Variants in REXO1 observed in about 807,000 individuals in gnomAD.
REXO1 encodes the protein REX1, RNA exonuclease 1 homolog.
A neutral mutation model predicts 102.6 loss-of-function variants in REXO1; 42 were observed. That is an observed-to-expected ratio of 0.41 (90% CI 0.32 to 0.53). The LOEUF (loss-of-function observed/expected upper bound fraction) is 0.53, where lower values mean the gene tolerates loss of function less well. Among genes scored for constraint, REXO1 ranks in the 20% least tolerant of loss-of-function variants. The pLI, the probability that REXO1 is intolerant of heterozygous loss-of-function variation, is 0.27. For synonymous variants in REXO1, 908 were observed against 779.1 expected (o/e 1.17, Z -2.76); for missense variants, 1,819 against 1,732.5 (o/e 1.05, Z -0.89).
chr19:1,835,648 T>C (rs1004502775), intron 1 of REXO1, among the ~76,000 whole-genome samples: 10 of 152,158 alleles, frequency 6.6e-5, no homozygotes, highest in Non-Finnish European at 2.9e-5. Context: ...GGGAATTACT[T>C]TGGATAGGAG....
intron 3 of REXO1, chr19:1,824,531 A>G (rs1473172875): frequency 1.3e-5 from 2 of 152,248 alleles, no homozygotes; most frequent in Non-Finnish European, 2.9e-5. Flanking sequence ...ATAAACTGAT[A>G]CTAACTTGTC....
intron 1 of REXO1, among the ~76,000 whole-genome samples, chr19:1,846,329 G>C (rs1287979956): frequency 6.6e-6 from 1 of 152,184 alleles, no homozygotes; most frequent in Non-Finnish European, 1.5e-5. Flanking sequence ...AAACCTCACC[G>C]CAAGGAAGAT....
chr19:1,819,061 G>A lies in REXO1; in HGVS notation c.2721C>T (p.Phe907=). Residue 907 remains phenylalanine (F), a synonymous_variant, in exon 8 of 16, where the codon TTC becomes TTT. Coordinates refer to ENST00000170168, the MANE Select transcript of REXO1 (RefSeq NM_020695.4). Reference sequence around the variant, plus strand: ...GGGGGCTGCTTGGACGGCTGAGCGAGAAGCTGGTCTTGGCGGCCAACCTGC... The same window carrying A: ...GGGGGCTGCTTGGACGGCTGAGCGAAAAGCTGGTCTTGGCGGCCAACCTGC... ...LGGRLAAKTS[F]SLSRPSSPRV... 2 of 1,602,464 alleles carry A rather than the reference G, an allele frequency of 1.2e-6. No individual in the cohort carries two copies. The highest frequency in any genetic ancestry group is 2.2e-5 in the East Asian group (1 of 44,690).
rs774833377 is a variant in REXO1, at chr19:1,819,957, G to C, written c.2627C>G (p.Pro876Arg). ...NTLKKLRGLA[P>R]SAVPGLSKTS... Reference sequence around the variant, plus strand: ...ACTGCTGAGGCCGGGCACAGCGCTGGGGGCCAGGCCCCTGAGCTTCTTGAG... The same window carrying C: ...ACTGCTGAGGCCGGGCACAGCGCTGCGGGCCAGGCCCCTGAGCTTCTTGAG... Residue 876 changes from proline to arginine, a missense_variant, in exon 7 of 16, where the codon CCC becomes CGC. Coordinates refer to ENST00000170168, the MANE Select transcript of REXO1 (RefSeq NM_020695.4). 15 of 1,588,180 alleles carry C rather than the reference G, an allele frequency of 9.4e-6. No individual in the cohort carries two copies. The highest frequency in any genetic ancestry group is 1.2e-5 in the Non-Finnish European group (14 of 1,170,550).
intron 1 of REXO1, among the ~76,000 whole-genome samples, chr19:1,845,147 A>G (rs1249081415): frequency 6.6e-6 from 1 of 152,080 alleles, no homozygotes; most frequent in Non-Finnish European, 1.5e-5. Flanking sequence ...CACATAGACA[A>G]CCGAGGCCCC....
chr19:1,818,895 T>G, intron 8 of REXO1, 52 bp from the exon 9 acceptor site: 1 of 1,595,284 alleles, frequency 6.3e-7, no homozygotes, highest in Non-Finnish European at 8.5e-7. Context: ...CACGGGGCGG[T>G]AGACACCACC....
chr19:1,818,249 G>C (rs1472324312), intron 10 of REXO1, among the ~76,000 whole-genome samples: 1 of 152,234 alleles, frequency 6.6e-6, no homozygotes, highest in African/African-American at 2.4e-5. Context: ...TCAGGTGGTG[G>C]CATTTGAACC....
rs1181346684 is a variant in REXO1 at position 1,815,991 on chromosome 19, T to A, written c.*75A>T. On this transcript the variant is annotated 3_prime_UTR_variant, in exon 16 of 16. Transcript: ENST00000170168. This position sits in a 1 kb window ranked among gnomAD's most constrained non-coding sequence, Gnocchi z 4.0. ...GGTGGACGGGTTACCGGAGATTTAT[T>A]GCACTGTTTTGGAAGAGGCATGGGG... 1.3e-6 allele frequency: 2 copies of A among 1,536,400 alleles called. No homozygotes were observed. The highest frequency in any genetic ancestry group is 3.9e-5 in the Admixed American group (2 of 50,992).
chr19:1,827,800 T>A lies in REXO1; in HGVS notation c.989A>T (p.Glu330Val). The change falls in exon 2 of 16, where the codon GAG becomes GTG. Residue 330 changes from glutamate to valine, a missense_variant. Physicochemically the swap from Glu to Val is moderately radical, Grantham distance 121 (BLOSUM62 -2). Coordinates refer to ENST00000170168, the MANE Select transcript of REXO1 (RefSeq NM_020695.4). ...CTTGGTCTCCCGCAGGCCGCCCCCC[T>A]CGGCCTCCAGGCCCTCTTTGGAGGG... ...QPPSKEGLEA[E>V]GGGLRETKET... 6.3e-7 allele frequency: 1 copy of A among 1,599,004 alleles called. No homozygotes were observed. Among genetic ancestry groups the A allele is most frequent in the Non-Finnish European group, 8.5e-7 (1 of 1,175,920 alleles).
intron 1 of REXO1, among the ~76,000 whole-genome samples, chr19:1,840,156 A>G (rs896808004): frequency 1.3e-5 from 2 of 152,282 alleles, no homozygotes; most frequent in African/African-American, 4.8e-5. Context: ...ACCCCCAAGC[A>G]CACGCTCTCT....
At chr19:1,845,037 C>T (rs941170350) in intron 1 of REXO1, among the ~76,000 whole-genome samples, 22 of 152,188 alleles carry the variant, frequency 1.4e-4, no homozygotes, top group African/African-American at 5.3e-4. Flanking sequence ...CTCAGTAGGA[C>T]ACAGACTCCC....
rs2304615 is a variant in REXO1, at chr19:1,826,113, A to G, written c.1912-170T>C. Among the ~76,000 whole-genome samples, 48,630 of 151,944 alleles carry G rather than the reference A, an allele frequency of 0.32. 9,088 individuals are homozygous for G. Among genetic ancestry groups the G allele is most frequent in the African/African-American group, 0.51 (21,146 of 41,428 alleles). On this transcript the variant is annotated intron_variant, in intron 2 of 15. Transcript: ENST00000170168. The surrounding 1 kb of genome is among the most constrained non-coding windows in gnomAD (Gnocchi z 4.3). The stretch of plus-strand genomic sequence containing the variant: ...CTGGGCTTTGTGTGGGTGCAGTCGG[A>G]GGGGTGGGCAGGTGTCACACGTTCT...
At chr19:1,842,648 A>G (rs61328803) in intron 1 of REXO1, among the ~76,000 whole-genome samples, 37,223 of 152,210 alleles carry the variant, frequency 0.24, 4,720 homozygotes, top group South Asian at 0.28. Flanking sequence ...AGCCCCCCCA[A>G]AAAAACAGAA....
intron 1 of REXO1, among the ~76,000 whole-genome samples, chr19:1,847,552 C>T (rs1431770717): frequency 6.6e-6 from 1 of 152,226 alleles, no homozygotes; most frequent in Non-Finnish European, 1.5e-5. Flanking sequence ...AGAAACGCTG[C>T]CATGACGATG....
intron 1 of REXO1, among the ~76,000 whole-genome samples, chr19:1,837,388 T>C (rs753800380): frequency 4.6e-5 from 7 of 152,034 alleles, no homozygotes; most frequent in Non-Finnish European, 8.8e-5. Context: ...ACTGGACAGA[T>C]AGGAACCCGC....
At chr19:1,845,051 G>C (rs897029657) in intron 1 of REXO1, among the ~76,000 whole-genome samples, 3 of 152,200 alleles carry the variant, frequency 2.0e-5, no homozygotes, top group Non-Finnish European at 4.4e-5. Context: ...GACTCCCTGA[G>C]ACACCACAGG....
intron 1 of REXO1, among the ~76,000 whole-genome samples, chr19:1,831,535 G>A (rs2069900993): frequency 1.3e-5 from 2 of 152,072 alleles, no homozygotes; most frequent in Non-Finnish European, 2.9e-5. Context: ...AGCCCCAGCA[G>A]GCATAAGAAA....
intron 12 of REXO1, 150 bp downstream of exon 12, chr19:1,817,069 T>C (rs1207181583): frequency 5.2e-6 from 5 of 969,970 alleles, no homozygotes; most frequent in African/African-American, 1.6e-5. Flanking sequence ...GGGGTGTTGG[T>C]CCAGGGCAGG....
At chr19:1,835,591 C>A (rs938782620) in intron 1 of REXO1, among the ~76,000 whole-genome samples, 2 of 152,148 alleles carry the variant, frequency 1.3e-5, no homozygotes. Flanking sequence ...TAAATGAATG[C>A]CGACTCTGGA....
Sources: allele counts gnomAD v4.1 joint callset (sites outside exome capture counted in the v4.1 genomes callset), GRCh38; gene constraint gnomAD v4.1.1; non-coding constraint Gnocchi (gnomAD v3.1); transcripts MANE v1.5; gene names NCBI Gene and HGNC (gene_info 2026-07-23, HGNC 2026-07-21).